Variants in C14orf39 observed in about 807,000 individuals in gnomAD.
C14orf39 encodes chromosome 14 open reading frame 39, also known as protein SIX6OS1.
In C14orf39, 66 loss-of-function variants were observed where a neutral mutation model predicts 85.6. The observed-to-expected ratio is 0.77, with a 90% CI of 0.63 to 0.95. C14orf39 has a LOEUF of 0.95. C14orf39 is among the 40% of genes least tolerant of loss of function. The pLI is 0.00. For synonymous variants in C14orf39, 242 were observed against 214.0 expected, an observed-to-expected ratio of 1.13 and a Z score of -1.14; for missense variants, 735 against 663.9, an observed-to-expected ratio of 1.11 and a Z score of -1.18.
At chr14:60,460,495 C>T (rs1247431113) in intron 13 of C14orf39, among the ~76,000 whole-genome samples, 1 of 151,704 alleles carries the variant, frequency 6.6e-6, no homozygotes, top group African/African-American at 2.4e-5. Context: ...CAGAATAAGG[C>T]ATTTTTAAAA....
In C14orf39 at chr14:60,468,437, A is replaced by T. The variant is rs1474203074; in HGVS notation, c.767+8T>A. The T allele has an allele frequency of 6.6e-7, 1 of 1,510,808 alleles. No individual in the cohort carries two copies. Among genetic ancestry groups the T allele is most frequent in the Non-Finnish European group, 9.0e-7 (1 of 1,106,294 alleles). The allele number at this position is 1,510,808 out of a possible 1,614,324, so 93.6% of individuals were successfully genotyped here. A position where few individuals can be genotyped will look rare whatever the true frequency, so the allele number is the denominator to read the frequency against. ...CACATAAAATTTAATTTTAAAGGTTACCTATACCTTTCTTTCAGTTCTTTT... is the reference window on the plus strand; with the variant it reads ...CACATAAAATTTAATTTTAAAGGTTTCCTATACCTTTCTTTCAGTTCTTTT... On this transcript the variant is annotated splice_region_variant and intron_variant, in intron 9 of 17. Coordinates refer to ENST00000321731, the MANE Select transcript of C14orf39 (RefSeq NM_174978.3).
intron 17 of C14orf39, 106 bp from the exon 18 acceptor site, chr14:60,437,153 T>G: frequency 1.4e-6 from 1 of 739,956 alleles, no homozygotes; most frequent in Non-Finnish European, 2.3e-6. Flanking sequence ...TAACACTGAA[T>G]CAGTGTTACA....
At chr14:60,458,566 C>T in intron 14 of C14orf39, 112 bp downstream of exon 14, 1 of 683,752 alleles carries the variant, frequency 1.5e-6, no homozygotes, top group Non-Finnish European at 2.3e-6. Context: ...ACCTGATCAC[C>T]AAGCTAACAA....
chr14:60,461,567 G>A lies in C14orf39; in HGVS notation c.999C>T (p.Asn333=), dbSNP rs2140090835. The A allele has an allele frequency of 6.3e-7, 1 of 1,579,910 alleles. No individual in the cohort carries two copies. The highest frequency in any genetic ancestry group is 1.2e-5 in the South Asian group (1 of 83,772). ...TCGTAATATGTGAACATTTTGAATG[G>A]TTATCCACAGCAGAGTCATTAAATA... is the stretch of plus-strand genomic sequence containing the variant. ...TQIFNDSAVD[N]HSKCSHITTI... is the part of the protein sequence containing the mutation. Residue 333 remains asparagine (N), a synonymous_variant, in exon 12 of 18, where the codon AAC becomes AAT. Transcript: ENST00000321731.
chr14:60,473,334 T>C (rs1892196964), intron 5 of C14orf39, among the ~76,000 whole-genome samples: 2 of 152,204 alleles, frequency 1.3e-5, no homozygotes, highest in African/African-American at 4.8e-5. Context: ...ATTGCAAAAA[T>C]TTTCTCCCAT....
chr14:60,490,047 A>G (rs927613644), upstream of C14orf39, among the ~76,000 whole-genome samples: 4 of 152,034 alleles, frequency 2.6e-5, no homozygotes, highest in Admixed American at 2.6e-4. Context: ...TAGCTGCATG[A>G]TTTTTCTCCC....
In C14orf39 at chr14:60,469,601, TA is replaced by T; in HGVS notation, c.606del (p.Thr203ProfsTer7). ...TTCTTCAATTCGGATGAACTTTTGG[TA>T]AGATTGCTGGCATGTTTAAGAATAT... ...TQDILKHASN[L>X]TKSSSELKKE... On this transcript the variant is annotated frameshift_variant, in exon 8 of 18. Coordinates refer to ENST00000321731, the MANE Select transcript of C14orf39 (RefSeq NM_174978.3). LOFTEE classifies it high-confidence loss of function. 1 of 1,523,436 alleles carries T rather than the reference TA, an allele frequency of 6.6e-7. No individual in the cohort carries two copies. Among genetic ancestry groups the T allele is most frequent in the Non-Finnish European group, 8.9e-7 (1 of 1,128,210 alleles). The allele number at this position is 1,523,436 out of a possible 1,614,324, so 94.4% of individuals were successfully genotyped here. A position where few individuals can be genotyped will look rare whatever the true frequency, so the allele number is the denominator to read the frequency against.
chr14:60,483,340 T>C (rs1426966964), intron 4 of C14orf39, among the ~76,000 whole-genome samples: 1 of 152,186 alleles, frequency 6.6e-6, no homozygotes, highest in African/African-American at 2.4e-5. Flanking sequence ...GTATTAAATA[T>C]TTTTATTTTG....
Position 60,484,383 on chromosome 14 carries a change from G to A in C14orf39, c.106+498C>T, listed in dbSNP as rs561025317. Among the ~76,000 whole-genome samples the A allele has an allele frequency of 6.6e-6, 1 of 152,238 alleles. No homozygotes were observed. Among genetic ancestry groups the A allele is most frequent in the East Asian group, 1.9e-4 (1 of 5,186 alleles). ...CCAAACTCTACCTTTTCAGAACGATGAAGAAATTTAGAACTCTATTTTTTA... is the reference window on the plus strand; with the variant it reads ...CCAAACTCTACCTTTTCAGAACGATAAAGAAATTTAGAACTCTATTTTTTA... On this transcript the variant is annotated intron_variant, in intron 3 of 17. Transcript: ENST00000321731. The surrounding 1 kb of genome is among the most constrained non-coding windows in gnomAD (Gnocchi z 4.2).
In C14orf39 at chr14:60,491,701, T is replaced by C. The variant is rs1892991516; in HGVS notation, c.-8-6615A>G. 1.3e-5 allele frequency among the ~76,000 whole-genome samples: 2 copies of C among 152,202 alleles called. No homozygotes were observed. Among genetic ancestry groups the C allele is most frequent in the Admixed American group, 1.3e-4 (2 of 15,264 alleles). ...ATCTAAATTCATTCTCTCACCTGGA[T>C]TATTGTACTAACTTCCAAACTGGTT... On this transcript the variant is annotated intron_variant, in intron 2 of 5. Transcript: ENST00000556799. The surrounding 1 kb of genome is among the most constrained non-coding windows in gnomAD (Gnocchi z 4.5).
At position 60,457,094 on chromosome 14, in the gene C14orf39, G is replaced by A. The variant is rs1891314975; in HGVS notation, c.1181C>T (p.Ala394Val). ...QVRESKCTSQ[A>V]IYTEHFGKSV... Reference sequence around the variant, plus strand: ...CTTCCCAAAATGTTCAGTATATATAGCCTGCAAATTCAAAGTAACAGAAAA... The same window carrying A: ...CTTCCCAAAATGTTCAGTATATATAACCTGCAAATTCAAAGTAACAGAAAA... Residue 394 changes from alanine to valine, a missense_variant and splice_region_variant, in exon 15 of 18, where the codon GCT becomes GTT. Coordinates refer to ENST00000321731, the MANE Select transcript of C14orf39 (RefSeq NM_174978.3). 6.5e-7 allele frequency: 1 copy of A among 1,541,798 alleles called. No individual in the cohort carries two copies. The highest frequency in any genetic ancestry group is 1.2e-5 in the South Asian group (1 of 80,962).
chr14:60,484,312 TA>T lies in C14orf39; in HGVS notation c.107-496del, dbSNP rs1271757669. On this transcript the variant is annotated intron_variant, in intron 3 of 17. Transcript: ENST00000321731. This position sits in a 1 kb window ranked among gnomAD's most constrained non-coding sequence, Gnocchi z 4.2. ...ACATAATTTCTTAAAAAGATTAAAA[TA>T]AATTCTTAATATTCTGTATTCTTTT... is the stretch of plus-strand genomic sequence containing the variant. Among the ~76,000 whole-genome samples the T allele has an allele frequency of 2.0e-5, 3 of 151,102 alleles. No homozygotes were observed. The highest frequency in any genetic ancestry group is 4.4e-5 in the Non-Finnish European group (3 of 68,002).
intron 16 of C14orf39, among the ~76,000 whole-genome samples, chr14:60,444,904 G>A (rs1890688454): frequency 6.6e-6 from 1 of 152,152 alleles, no homozygotes; most frequent in Non-Finnish European, 1.5e-5. Flanking sequence ...GAGAGTGGGG[G>A]CCAATATTCA....
chr14:60,447,303 A>G (rs1890815681), intron 16 of C14orf39, among the ~76,000 whole-genome samples: 2 of 152,248 alleles, frequency 1.3e-5, no homozygotes, highest in Admixed American at 1.3e-4. Context: ...AGAAAAGCCC[A>G]TCATCTCAGC....
At chr14:60,451,665 C>A (rs1027318926) in intron 16 of C14orf39, among the ~76,000 whole-genome samples, 1 of 140,236 alleles carries the variant, frequency 7.1e-6, no homozygotes, top group African/African-American at 2.7e-5. Flanking sequence ...GGATGGTGAA[C>A]ATCACACACC....
chr14:60,511,515 T>A (rs939681315), intron 1 of C14orf39: 3 of 582,494 alleles, frequency 5.2e-6, no homozygotes, highest in Non-Finnish European at 9.2e-6. Flanking sequence ...TCCTAAGGAT[T>A]TTGCTGCAAA....
In C14orf39 at chr14:60,484,844, A is replaced by G. The variant is rs1453723176; in HGVS notation, c.106+37T>C. ...GTATGTTATATGCCATAAGGAATTA[A>G]AAGACTAAAATATCTTGATCATGCA... is the stretch of plus-strand genomic sequence containing the variant. On this transcript the variant is annotated intron_variant, in intron 3 of 17. Coordinates refer to ENST00000321731, the MANE Select transcript of C14orf39 (RefSeq NM_174978.3). The surrounding 1 kb of genome is among the most constrained non-coding windows in gnomAD (Gnocchi z 4.2). The G allele has an allele frequency of 2.0e-5, 28 of 1,431,724 alleles. No homozygotes were observed. Among genetic ancestry groups the G allele is most frequent in the Non-Finnish European group, 2.7e-5 (28 of 1,034,756 alleles). The allele number at this position is 1,431,724 out of a possible 1,614,324, so 88.7% of individuals were successfully genotyped here.
intron 9 of C14orf39, 85 bp from the exon 10 acceptor site, chr14:60,467,129 A>G (rs1417203267): frequency 1.7e-6 from 1 of 587,714 alleles, no homozygotes; most frequent in Non-Finnish European, 2.5e-6. Flanking sequence ...TAGATACTAT[A>G]TAATAAAACC....
In C14orf39 at chr14:60,482,083, C is replaced by T. The variant is rs115084881; in HGVS notation, c.233+1608G>A. Among the ~76,000 whole-genome samples the T allele has an allele frequency of 9.6e-3, 1,455 of 152,260 alleles. 8 individuals carry two copies. The highest frequency in any genetic ancestry group is 0.019 in the South Asian group (92 of 4,822). ...ACATTTAAATCTCATAACCAGTATG[C>T]TGAAACCATAAACTAGAGGTATTCA... On this transcript the variant is annotated intron_variant, in intron 4 of 17. Coordinates refer to ENST00000321731, the MANE Select transcript of C14orf39 (RefSeq NM_174978.3).
Sources: gnomAD v4.1 joint callset for allele counts (sites outside exome capture counted in the v4.1 genomes callset) on GRCh38, gnomAD v4.1.1 for gene constraint, Gnocchi (gnomAD v3.1) non-coding constraint, MANE v1.5 for transcripts, NCBI Gene and HGNC (gene_info 2026-07-23, HGNC 2026-07-21) for gene names.